THSD7B: variants seen among roughly 807,000 people sequenced by gnomAD.
THSD7B encodes the protein thrombospondin type 1 domain containing 7B.
In THSD7B, 138 loss-of-function variants were observed where a neutral mutation model predicts 213.6. The observed-to-expected ratio is 0.65, with a 90% CI of 0.56 to 0.74. The LOEUF (loss-of-function observed/expected upper bound fraction) is 0.74, where lower values mean the gene tolerates loss of function less well. THSD7B is among the 30% of genes least tolerant of loss of function. The pLI is 0.00. For synonymous variants in THSD7B, 742 were observed against 687.0 expected (o/e 1.08, Z -1.25); for missense variants, 1,931 against 1,991.5 (o/e 0.97, Z 0.58).
intron 12 of THSD7B, among the ~76,000 whole-genome samples, chr2:137,312,498 C>G (rs1283215518): frequency 1.3e-5 from 2 of 150,756 alleles, no homozygotes; most frequent in East Asian, 3.9e-4. Context: ...TTTTGTGTCT[C>G]TATTTCCTTC....
chr2:137,065,191 C>G (rs1338725441), intron 3 of THSD7B, among the ~76,000 whole-genome samples: 1 of 151,796 alleles, frequency 6.6e-6, no homozygotes, highest in African/African-American at 2.4e-5. Context: ...TCAATTTTCT[C>G]CTTTGGTGTT....
At chr2:136,945,204 T>C (rs1005726019) in intron 2 of THSD7B, among the ~76,000 whole-genome samples, 15 of 152,210 alleles carry the variant, frequency 9.9e-5, no homozygotes, top group African/African-American at 3.6e-4. Flanking sequence ...CTGAAGAATG[T>C]TGAATATTGG....
chr2:137,263,433 T>A (rs567128781), intron 10 of THSD7B, among the ~76,000 whole-genome samples: 83 of 152,236 alleles, frequency 5.5e-4, no homozygotes, highest in African/African-American at 2.0e-3. Context: ...TTGCCCAAGG[T>A]CATATAGCAA....
At chr2:136,876,289 G>T (rs1012000531) in intron 1 of THSD7B, among the ~76,000 whole-genome samples, 4 of 152,092 alleles carry the variant, frequency 2.6e-5, no homozygotes, top group African/African-American at 9.7e-5. Context: ...TTTCCCAGGG[G>T]TATATTTTTA....
chr2:137,087,303 G>A (rs1687859199), intron 3 of THSD7B, among the ~76,000 whole-genome samples: 1 of 152,048 alleles, frequency 6.6e-6, no homozygotes, highest in African/African-American at 2.4e-5. Context: ...ACATAGTACT[G>A]GAAGTCCTAG....
intron 2 of THSD7B, among the ~76,000 whole-genome samples, chr2:136,886,016 G>C (rs2104995210): frequency 6.6e-6 from 1 of 152,192 alleles, no homozygotes; most frequent in South Asian, 2.1e-4. Flanking sequence ...TCAAGGTGAA[G>C]AAGAACATCC....
chr2:137,230,517 G>T (rs1681612824), intron 7 of THSD7B, among the ~76,000 whole-genome samples: 1 of 152,086 alleles, frequency 6.6e-6, no homozygotes, highest in Non-Finnish European at 1.5e-5. Context: ...TTTAGCCACA[G>T]GTCCATTTTC....
At chr2:137,100,520 A>G (rs1278820974) in intron 4 of THSD7B, among the ~76,000 whole-genome samples, 1 of 152,080 alleles carries the variant, frequency 6.6e-6, no homozygotes, top group Non-Finnish European at 1.5e-5. Context: ...AAGAGTGCTT[A>G]ATAGTAATGT....
chr2:137,122,901 T>C (rs766935664), intron 5 of THSD7B, among the ~76,000 whole-genome samples: 1 of 152,146 alleles, frequency 6.6e-6, no homozygotes, highest in Non-Finnish European at 1.5e-5. Context: ...TACAGCACTT[T>C]GTCTCACTGC....
chr2:137,073,552 T>C (rs1025034948), intron 3 of THSD7B, among the ~76,000 whole-genome samples: 1 of 152,190 alleles, frequency 6.6e-6, no homozygotes, highest in African/African-American at 2.4e-5. Context: ...GATTCATTGA[T>C]TTTTGGAAGG....
At chr2:137,267,576 A>G (rs1253426565) in intron 10 of THSD7B, among the ~76,000 whole-genome samples, 2 of 149,074 alleles carry the variant, frequency 1.3e-5, no homozygotes, top group Admixed American at 1.4e-4. Flanking sequence ...TGGAAATATC[A>G]TGGGCCTAAT....
chr2:137,105,271 G>A (rs559217610), intron 4 of THSD7B, among the ~76,000 whole-genome samples: 4 of 152,250 alleles, frequency 2.6e-5, no homozygotes, highest in Admixed American at 6.5e-5. Flanking sequence ...ATCAATAAAC[G>A]TAATCCATCA....
chr2:136,894,555 T>C lies in THSD7B; in HGVS notation c.139+12238T>C, dbSNP rs72981623. 1.9e-3 allele frequency among the ~76,000 whole-genome samples: 290 copies of C among 152,330 alleles called. 1 individual carries two copies. Among genetic ancestry groups the C allele is most frequent in the African/African-American group, 6.7e-3 (280 of 41,580 alleles). On this transcript the variant is annotated intron_variant, in intron 2 of 27. Coordinates refer to ENST00000409968, the MANE Select transcript of THSD7B (RefSeq NM_001316349.2). ...CTAGTTGATATTCTATGTTACATACTGAAACTAAGTTTTCTATACTCAAAG... is the reference window on the plus strand; with the variant it reads ...CTAGTTGATATTCTATGTTACATACCGAAACTAAGTTTTCTATACTCAAAG...
In THSD7B at chr2:136,969,539, C is replaced by T. The variant is rs1685371857; in HGVS notation, c.140-86881C>T. 2.0e-5 allele frequency among the ~76,000 whole-genome samples: 3 copies of T among 152,264 alleles called. No individual in the cohort carries two copies. In the South Asian group the frequency reaches 6.2e-4, roughly 32 times the overall value. The stretch of plus-strand genomic sequence containing the variant: ...TTTTGAATGACTTCATTAATCAATT[C>T]ATCCTATGTATTTTCCTTTTCAAAG... On this transcript the variant is annotated intron_variant, in intron 2 of 27. Transcript: ENST00000409968.
chr2:136,961,006 G>A (rs148172412), intron 2 of THSD7B, among the ~76,000 whole-genome samples: 1,765 of 139,564 alleles, frequency 0.013, 36 homozygotes, highest in African/African-American at 0.045. Flanking sequence ...GAAGAATGGC[G>A]TGAACCCGGG....
chr2:137,336,446 A>G (rs569252938), intron 12 of THSD7B, among the ~76,000 whole-genome samples: 157 of 152,302 alleles, frequency 1.0e-3, no homozygotes, highest in Non-Finnish European at 1.1e-3. Context: ...TGTGGCAGCC[A>G]AAGATCTTCC....
chr2:136,979,921 T>C (rs912912285), intron 2 of THSD7B, among the ~76,000 whole-genome samples: 1 of 152,228 alleles, frequency 6.6e-6, no homozygotes, highest in Admixed American at 6.5e-5. Flanking sequence ...TTTCAATCTT[T>C]GAGGCTACTG....
intron 5 of THSD7B, among the ~76,000 whole-genome samples, chr2:137,131,341 C>A (rs1422014240): frequency 1.3e-5 from 2 of 152,072 alleles, no homozygotes; most frequent in African/African-American, 4.8e-5. Context: ...CCTGCTCACT[C>A]TGATGATAGT....
At chr2:136,826,266 A>G (rs1375645341) in intron 1 of THSD7B, among the ~76,000 whole-genome samples, 3 of 152,244 alleles carry the variant, frequency 2.0e-5, no homozygotes, top group Non-Finnish European at 4.4e-5. Context: ...TCCCAGGATT[A>G]GCATTGAGAG....
Sources: gnomAD v4.1 joint callset for allele counts (sites outside exome capture counted in the v4.1 genomes callset) on GRCh38, gnomAD v4.1.1 for gene constraint, MANE v1.5 for transcripts, NCBI Gene and HGNC (gene_info 2026-07-23, HGNC 2026-07-21) for gene names.